Variants in ATG14 observed in about 807,000 individuals in gnomAD.
The protein encoded by ATG14 is beclin 1-associated autophagy-related key regulator.
A neutral mutation model predicts 60.4 loss-of-function variants in ATG14; 35 were observed. That is an observed-to-expected ratio of 0.58 (90% CI 0.44 to 0.77). The LOEUF (loss-of-function observed/expected upper bound fraction) is 0.77, where lower values mean the gene tolerates loss of function less well. ATG14 is among the 30% of genes least tolerant of loss of function. The probability of loss-of-function intolerance (pLI) is 0.00; values close to 1 mark genes in which losing one functional copy is unlikely to be tolerated. For synonymous variants in ATG14, 234 were observed against 228.8 expected, an observed-to-expected ratio of 1.02 and a Z score of -0.21; for missense variants, 647 against 626.3, an observed-to-expected ratio of 1.03 and a Z score of -0.35.
intron 9 of ATG14, among the ~76,000 whole-genome samples, chr14:55,377,077 T>A (rs1884931547): frequency 6.6e-6 from 1 of 152,192 alleles, no homozygotes; most frequent in South Asian, 2.1e-4. Context: ...CCAGGCACGG[T>A]GGCTCAAGCC....
At chr14:55,389,454 G>A (rs563281283) in intron 4 of ATG14, among the ~76,000 whole-genome samples, 4 of 152,282 alleles carry the variant, frequency 2.6e-5, no homozygotes, top group East Asian at 3.9e-4. Context: ...TAGTAATCCC[G>A]TGAAACTCCA....
chr14:55,367,357 C>G lies in ATG14; in HGVS notation c.*2262G>C, dbSNP rs1884702807. ...TCTGTTCAAGTCTACCATCTTCACT[C>G]TCTACGAACTCCAGAACTGGATGGG... On this transcript the variant is annotated 3_prime_UTR_variant, in exon 10 of 10. Transcript: ENST00000247178. 6.6e-6 allele frequency: 1 copy of G among 152,244 alleles called. No individual in the cohort carries two copies. Among genetic ancestry groups the G allele is most frequent in the African/African-American group, 2.4e-5 (1 of 41,458 alleles). The allele number at this position is 152,244 out of a possible 1,614,324, so 9.4% of individuals were successfully genotyped here. A position where few individuals can be genotyped will look rare whatever the true frequency, so the allele number is the denominator to read the frequency against.
At chr14:55,393,459 A>G (rs543738900) in intron 3 of ATG14, among the ~76,000 whole-genome samples, 8 of 152,312 alleles carry the variant, frequency 5.3e-5, no homozygotes, top group African/African-American at 1.9e-4. Flanking sequence ...ATTACAGAAG[A>G]AAAACAGAAA....
At chr14:55,386,151 T>C in intron 4 of ATG14, 55 bp from the exon 5 acceptor site, 4 of 1,431,008 alleles carry the variant, frequency 2.8e-6, no homozygotes, top group Non-Finnish European at 3.8e-6. Flanking sequence ...TCCTGTGTAC[T>C]GCAGAGCTCC....
In ATG14 at chr14:55,408,671, T is replaced by A. The variant is rs79222194; in HGVS notation, c.221+2931A>T. 8.4e-3 allele frequency among the ~76,000 whole-genome samples: 1,271 copies of A among 152,162 alleles called. 21 individuals carry two copies. The highest frequency in any genetic ancestry group is 0.029 in the African/African-American group (1,222 of 41,498). ...CTGTAGTCCCACCTACTCAAAAGGT[T>A]AAGATGGGAGGATTGCTTGAGCCCA... On this transcript the variant is annotated intron_variant, in intron 1 of 9. Transcript: ENST00000247178.
Position 55,369,421 on chromosome 14 carries a change from T to A in ATG14, c.*198A>T. Reference sequence around the variant, plus strand: ...CCTTCGACCCCTGTTCTCTTAATTATCATAAGCATGTTGGTCACCATCACA... The same window carrying A: ...CCTTCGACCCCTGTTCTCTTAATTAACATAAGCATGTTGGTCACCATCACA... On this transcript the variant is annotated 3_prime_UTR_variant, in exon 10 of 10. Coordinates refer to ENST00000247178, the MANE Select transcript of ATG14 (RefSeq NM_014924.5). The A allele has an allele frequency of 8.6e-6, 4 of 464,520 alleles. No individual in the cohort carries two copies. Among genetic ancestry groups the A allele is most frequent in the Non-Finnish European group, 1.1e-5 (3 of 273,116 alleles). 28.8% of individuals were successfully genotyped at this position (464,520 alleles called of 1,614,324 possible). A position where few individuals can be genotyped will look rare whatever the true frequency, so the allele number is the denominator to read the frequency against.
At chr14:55,385,677 A>T (rs1305065737) in intron 5 of ATG14, among the ~76,000 whole-genome samples, 182 bp downstream of exon 5, 1 of 151,908 alleles carries the variant, frequency 6.6e-6, no homozygotes, top group Non-Finnish European at 1.5e-5. Context: ...CCCACCCCTC[A>T]CCTCGCTGCC....
intron 9 of ATG14, among the ~76,000 whole-genome samples, chr14:55,375,751 C>T (rs907570177): frequency 1.3e-5 from 2 of 152,134 alleles, no homozygotes; most frequent in Non-Finnish European, 2.9e-5. Flanking sequence ...TATAAATACA[C>T]TTCACTTCTT....
intron 1 of ATG14, among the ~76,000 whole-genome samples, chr14:55,402,659 G>A (rs1302194123): frequency 6.6e-6 from 1 of 151,176 alleles, no homozygotes; most frequent in South Asian, 2.1e-4. Flanking sequence ...TTAAAAACCT[G>A]GTCCTTATCA....
At chr14:55,369,963 C>G in intron 9 of ATG14, 38 bp from the exon 10 acceptor site, 1 of 1,530,788 alleles carries the variant, frequency 6.5e-7, no homozygotes, top group South Asian at 1.3e-5. Context: ...AGGATAACAA[C>G]CATTCTCAAC....
intron 3 of ATG14, among the ~76,000 whole-genome samples, chr14:55,394,094 T>C (rs1299803898): frequency 6.6e-6 from 1 of 151,292 alleles, no homozygotes; most frequent in African/African-American, 2.4e-5. Context: ...GTGATCTCTG[T>C]CTCCTGGGTT....
At chr14:55,384,438 C>G (rs1885089099) in intron 5 of ATG14, among the ~76,000 whole-genome samples, 1 of 152,206 alleles carries the variant, frequency 6.6e-6, no homozygotes, top group African/African-American at 2.4e-5. Flanking sequence ...CCTTATTCAC[C>G]TCTCTCCAAC....
chr14:55,371,821 A>C (rs2140118272), intron 9 of ATG14, among the ~76,000 whole-genome samples: 1 of 149,814 alleles, frequency 6.7e-6, no homozygotes, highest in Non-Finnish European at 1.5e-5. Context: ...AAACAAAAAA[A>C]CAAAGAGCCC....
At chr14:55,380,535 C>A (rs370830784) in intron 7 of ATG14, 38 bp downstream of exon 7, 2 of 1,306,128 alleles carry the variant, frequency 1.5e-6, no homozygotes, top group Non-Finnish European at 2.2e-6. Context: ...CTTGAAAGAG[C>A]CATGATAAAG....
chr14:55,409,812 A>C (rs1186088631), intron 1 of ATG14, among the ~76,000 whole-genome samples: 9 of 152,262 alleles, frequency 5.9e-5, no homozygotes, highest in African/African-American at 2.2e-4. Context: ...AACCACTGGA[A>C]GATTTGAACA....
chr14:55,383,719 T>A (rs965372241), intron 5 of ATG14, among the ~76,000 whole-genome samples: 1 of 151,836 alleles, frequency 6.6e-6, no homozygotes, highest in East Asian at 1.9e-4. Context: ...ATCATACCAT[T>A]GCACTCCAGC....
intron 1 of ATG14, among the ~76,000 whole-genome samples, chr14:55,399,796 A>G (rs1489992788): frequency 1.3e-5 from 2 of 152,248 alleles, no homozygotes; most frequent in African/African-American, 4.8e-5. Context: ...CAGAGGCCAT[A>G]AAAGTTCTCC....
At chr14:55,403,706 A>C (rs1268943334) in intron 1 of ATG14, among the ~76,000 whole-genome samples, 2 of 152,200 alleles carry the variant, frequency 1.3e-5, no homozygotes, top group African/African-American at 4.8e-5. Context: ...ACGAACCAGC[A>C]AAATAGTATG....
At chr14:55,386,879 G>A (rs115984001) in intron 4 of ATG14, among the ~76,000 whole-genome samples, 2 of 152,220 alleles carry the variant, frequency 1.3e-5, no homozygotes, top group African/African-American at 4.8e-5. Context: ...GAGTTGCTTA[G>A]GCAACTTAAA....
Sources: allele counts gnomAD v4.1 joint callset (sites outside exome capture counted in the v4.1 genomes callset), GRCh38; gene constraint gnomAD v4.1.1; transcripts MANE v1.5; gene names NCBI Gene and HGNC (gene_info 2026-07-23, HGNC 2026-07-21).